Variants in SLC39A12 observed in about 807,000 individuals in gnomAD.
SLC39A12 encodes solute carrier family 39 member 12.
SLC39A12 carries 63 observed loss-of-function variants against 71.1 expected under a neutral mutation model. The observed-to-expected ratio is 0.89, with a 90% CI of 0.72 to 1.09. SLC39A12 has a LOEUF of 1.09. Among genes scored for constraint, SLC39A12 ranks in the 50% least tolerant of loss-of-function variants. SLC39A12 has a pLI of 0.00. For synonymous variants in SLC39A12, 351 were observed against 301.3 expected, an observed-to-expected ratio of 1.16 and a Z score of -1.71; for missense variants, 892 against 812.6, an observed-to-expected ratio of 1.10 and a Z score of -1.19.
intron 9 of SLC39A12, among the ~76,000 whole-genome samples, chr10:17,993,827 A>G (rs1835617591): frequency 6.6e-6 from 1 of 152,254 alleles, no homozygotes; most frequent in Non-Finnish European, 1.5e-5. Context: ...AATCATGTTC[A>G]AAACAATATT....
At chr10:17,969,382 G>GAAC (rs1289563319) in intron 4 of SLC39A12, among the ~76,000 whole-genome samples, 32 of 152,112 alleles carry the variant, frequency 2.1e-4, no homozygotes, top group Non-Finnish European at 3.4e-4. Flanking sequence ...CTCCATAGGG[G>GAAC]TCATACTAAC....
intron 11 of SLC39A12, chr10:18,001,659 A>G (rs958635200): frequency 4.0e-5 from 6 of 151,638 alleles, no homozygotes; most frequent in African/African-American, 1.4e-4. Context: ...GGATAATCTT[A>G]GTTGCCCTGT....
At chr10:17,960,678 A>G (rs1302234069) in intron 2 of SLC39A12, among the ~76,000 whole-genome samples, 2 of 152,132 alleles carry the variant, frequency 1.3e-5, no homozygotes, top group African/African-American at 2.4e-5. Context: ...ATGAAGAAAA[A>G]TTTTTAAATG....
intron 12 of SLC39A12, among the ~76,000 whole-genome samples, chr10:18,035,180 T>A (rs1220338449): frequency 1.5e-4 from 23 of 149,420 alleles, no homozygotes; most frequent in Non-Finnish European, 3.0e-4. Flanking sequence ...GTTTCCTGAA[T>A]CTGAATGTTG....
At chr10:17,959,066 A>T (rs1222990608) in intron 2 of SLC39A12, among the ~76,000 whole-genome samples, 1 of 152,172 alleles carries the variant, frequency 6.6e-6, no homozygotes, top group Non-Finnish European at 1.5e-5. Context: ...CCAATAGTTT[A>T]GTTTCAGGAG....
intron 4 of SLC39A12, among the ~76,000 whole-genome samples, chr10:17,977,153 T>A (rs12243207): frequency 6.6e-6 from 1 of 152,022 alleles, no homozygotes; most frequent in African/African-American, 2.4e-5. Flanking sequence ...TGGACATTTA[T>A]ATAATTTAGA....
intron 8 of SLC39A12, 147 bp from the exon 9 acceptor site, chr10:17,993,034 T>A: frequency 1.9e-6 from 1 of 524,148 alleles, no homozygotes; most frequent in Non-Finnish European, 3.4e-6. Context: ...ATTTTTGAAG[T>A]TGCATTCCAT....
intron 2 of SLC39A12, among the ~76,000 whole-genome samples, chr10:17,958,392 C>G (rs1372216429): frequency 6.6e-6 from 1 of 152,106 alleles, no homozygotes; most frequent in Admixed American, 6.5e-5. Flanking sequence ...TAAACTCATT[C>G]AACGCTCTCG....
chr10:18,015,665 G>T (rs1394174628), intron 12 of SLC39A12, among the ~76,000 whole-genome samples: 1 of 151,890 alleles, frequency 6.6e-6, no homozygotes, highest in East Asian at 1.9e-4. Flanking sequence ...TAGAGTGACA[G>T]AACTATGTGG....
chr10:18,015,001 G>A (rs1394481143), intron 12 of SLC39A12, among the ~76,000 whole-genome samples: 2 of 152,214 alleles, frequency 1.3e-5, no homozygotes, highest in African/African-American at 2.4e-5. Flanking sequence ...GCTAGATGAT[G>A]TATGGGAGAA....
intron 12 of SLC39A12, among the ~76,000 whole-genome samples, chr10:18,015,882 TA>T (rs1448777606): frequency 2.6e-5 from 4 of 152,104 alleles, no homozygotes; most frequent in South Asian, 2.1e-4. Flanking sequence ...TTTTTTTGGT[TA>T]AACTTTATTT....
At chr10:17,983,168 C>CA (rs59513976) in intron 6 of SLC39A12, among the ~76,000 whole-genome samples, 769 of 60,586 alleles carry the variant, frequency 0.013, 117 homozygotes, top group African/African-American at 0.038. Context: ...GACTCCATCT[C>CA]AAAAAAAAAA....
chr10:17,993,193 T>C lies in SLC39A12; in HGVS notation c.1435T>C (p.Leu479=), dbSNP rs375816349. 3.9e-5 allele frequency: 60 copies of C among 1,551,400 alleles called. No homozygotes were observed. In the East Asian group the frequency reaches 4.9e-4, roughly 13 times the overall value. ...CATCCTCATCCAGCAGGGCCTGTCATTGGTTAATGGGCACGTGGGTCATTC... is the reference window on the plus strand; with the variant it reads ...CATCCTCATCCAGCAGGGCCTGTCACTGGTTAATGGGCACGTGGGTCATTC... ...VSPNDKQGLS[L]VNGHVGHSHH... Residue 479 remains leucine, a synonymous_variant, in exon 9 of 13, where the codon TTG becomes CTG. Transcript: ENST00000377369.
At chr10:17,992,021 A>G (rs909188467) in intron 8 of SLC39A12, among the ~76,000 whole-genome samples, 11 of 142,350 alleles carry the variant, frequency 7.7e-5, no homozygotes, top group East Asian at 2.3e-4. Flanking sequence ...CCCAAGAGGT[A>G]GAGGTTGCAG....
At position 18,000,762 on chromosome 10, in the gene SLC39A12, T is replaced by C. The variant is rs1835811504; in HGVS notation, c.1696T>C (p.Ser566Pro). The part of the protein sequence containing the change: ...GLAIGAAFSS[S>P]SESGVTTTIA... Reference sequence around the variant, plus strand: ...AGCCATAGGAGCAGCCTTCTCATCATCATCCGAGTCAGGAGTGACCACTAC... The same window carrying C: ...AGCCATAGGAGCAGCCTTCTCATCACCATCCGAGTCAGGAGTGACCACTAC... Residue 566 changes from serine to proline, a missense_variant, in exon 11 of 13, where the codon TCA (serine) becomes CCA (proline). Ser to Pro is a moderately conservative substitution (Grantham distance 74, BLOSUM62 -1). Transcript: ENST00000377369. 1 of 1,614,216 alleles carries C rather than the reference T, an allele frequency of 6.2e-7. No homozygotes were observed. Among genetic ancestry groups the C allele is most frequent in the African/African-American group, 1.3e-5 (1 of 75,062 alleles).
intron 7 of SLC39A12, 128 bp from the exon 8 acceptor site, chr10:17,991,023 A>T (rs1835530160): frequency 3.2e-6 from 3 of 925,970 alleles, no homozygotes; most frequent in Non-Finnish European, 4.5e-6. Context: ...TTGTATTAAT[A>T]GTTGTCACGG....
chr10:18,023,327 G>T (rs765716466), intron 12 of SLC39A12, among the ~76,000 whole-genome samples: 17 of 151,742 alleles, frequency 1.1e-4, no homozygotes, highest in African/African-American at 2.7e-4. Context: ...GATGTCAGAG[G>T]GTTCATGGGT....
intron 12 of SLC39A12, among the ~76,000 whole-genome samples, chr10:18,026,340 G>A (rs989311495): frequency 6.6e-6 from 1 of 151,988 alleles, no homozygotes. Context: ...TTTTCGGTGG[G>A]TGGATTTTTT....
chr10:17,955,635 A>G (rs1351220996), intron 2 of SLC39A12, among the ~76,000 whole-genome samples: 1 of 152,158 alleles, frequency 6.6e-6, no homozygotes, highest in Admixed American at 6.5e-5. Flanking sequence ...ATATCCCTAA[A>G]TGTCTGAAAA....
Sources: allele counts gnomAD v4.1 joint callset (sites outside exome capture counted in the v4.1 genomes callset), GRCh38; gene constraint gnomAD v4.1.1; transcripts MANE v1.5; gene names NCBI Gene and HGNC (gene_info 2026-07-23, HGNC 2026-07-21).